Variants in KNG1 observed in about 807,000 individuals in gnomAD.
The protein encoded by KNG1 is kininogen 1.
Under a neutral mutation model 47.8 loss-of-function variants are expected in KNG1, and 23 were observed. The ratio of observed to expected loss-of-function variants is 0.48; its 90% CI spans 0.35 to 0.68. The LOEUF (loss-of-function observed/expected upper bound fraction) is 0.68. Among genes scored for constraint, KNG1 ranks in the 30% least tolerant of loss-of-function variants. The pLI, the probability that KNG1 is intolerant of heterozygous loss-of-function variation, is 0.01. For missense variants in KNG1, 762 were observed against 790.2 expected (o/e 0.96, Z 0.43); for synonymous variants, 277 against 277.0 (o/e 1.00, Z 0.00).
At chr3:186,725,288 C>A (rs2108623511) in intron 4 of KNG1, 28 bp downstream of exon 4, 1 of 1,600,360 alleles carries the variant, frequency 6.2e-7, no homozygotes, top group South Asian at 1.1e-5. Flanking sequence ...CTAAGTAGCA[C>A]AGTATTACTA....
In KNG1 at chr3:186,725,126, G is replaced by C. The variant is rs199837975; in HGVS notation, c.430G>C (p.Gly144Arg). Residue 144 changes from glycine (G) to arginine (R), a missense_variant, in exon 4 of 10, where the codon GGC becomes CGC. By Grantham distance (125) the Gly-to-Arg change is moderately radical. Coordinates refer to ENST00000644859, the MANE Select transcript of KNG1 (RefSeq NM_001102416.3). ...GGTGACAGCCCAGTACGACTGCCTC[G>C]GCTGTGTGCATCCTATATCAACGCA... ...PVVTAQYDCLGCVHPISTQSP... is the reference protein window; with the variant it reads ...PVVTAQYDCLRCVHPISTQSP... 6 of 1,614,034 alleles carry C rather than the reference G, an allele frequency of 3.7e-6. No homozygotes were observed. Among genetic ancestry groups the C allele is most frequent in the Non-Finnish European group, 5.1e-6 (6 of 1,180,008 alleles).
Position 186,725,543 on chromosome 3 carries a change from A to ATT in KNG1, c.564+301_564+302dup, listed in dbSNP as rs71167003. On this transcript the variant is annotated intron_variant, in intron 4 of 9. Coordinates refer to ENST00000644859, the MANE Select transcript of KNG1 (RefSeq NM_001102416.3). The stretch of plus-strand genomic sequence containing the variant: ...AAGGAAAAGTCATACCGGCCTTAGG[A>ATT]TTTTTTTTTTTTTTTTTTTGAGACA... Among the ~76,000 whole-genome samples the ATT allele has an allele frequency of 2.8e-4, 25 of 87,720 alleles. 3 individuals carry two copies. The highest frequency in any genetic ancestry group is 4.3e-4 in the Non-Finnish European group (20 of 46,180). The allele number at this position is 87,720 out of a possible 152,430, so 57.5% of individuals were successfully genotyped here. A position where few individuals can be genotyped will look rare whatever the true frequency, so the allele number is the denominator to read the frequency against.
chr3:186,720,805 T>TTTTTTTTG (rs1553790786), intron 2 of KNG1, among the ~76,000 whole-genome samples: 69 of 140,070 alleles, frequency 4.9e-4, no homozygotes, highest in South Asian at 9.9e-4. Flanking sequence ...TTTTTTTTTT[T>TTTTTTTTG]TTGAGCCAGA....
At chr3:186,729,673 C>T (rs1446927821) in intron 5 of KNG1, among the ~76,000 whole-genome samples, 1 of 92,956 alleles carries the variant, frequency 1.1e-5, no homozygotes, top group Non-Finnish European at 2.6e-5. Context: ...GTAATGTAGG[C>T]TTTTCTTTTT....
chr3:186,741,568 C>T lies in KNG1; in HGVS notation c.1172C>T (p.Ser391Leu). 1 of 1,610,360 alleles carries T rather than the reference C, an allele frequency of 6.2e-7. No homozygotes were observed. ...CCAGGTTTTTCACCTTTCCGATCAT[C>T]ACGAATAGGGGAAATAAAAGAAGAA... ...RPPGFSPFRSSRIGEIKEETT... is the reference protein window; with the variant it reads ...RPPGFSPFRSLRIGEIKEETT... Residue 391 changes from serine (S) to leucine (L), a missense_variant, in exon 10 of 10, where the codon TCA becomes TTA. Transcript: ENST00000644859.
intron 4 of KNG1, among the ~76,000 whole-genome samples, chr3:186,726,275 TTTTTTTTTTTTTTTTTTTTG>T (rs1369022306): frequency 5.2e-5 from 2 of 38,478 alleles, no homozygotes; most frequent in South Asian, 1.0e-3. Context: ...ACTTTTCTTC[TTTTTTTTTTTTTTTTTTTTG>T]TTTTTTGAGG....
At chr3:186,719,880 T>TGGGCTA (rs1466063758) in intron 1 of KNG1, among the ~76,000 whole-genome samples, 1 of 152,220 alleles carries the variant, frequency 6.6e-6, no homozygotes, top group African/African-American at 2.4e-5. Context: ...TTGACAAAAA[T>TGGGCTA]GGGCTAATAC....
At chr3:186,719,466 C>T (rs949032187) in intron 1 of KNG1, among the ~76,000 whole-genome samples, 30 of 152,078 alleles carry the variant, frequency 2.0e-4, no homozygotes, top group Admixed American at 4.6e-4. Flanking sequence ...TTGGGCCGGG[C>T]GCGGTGGCTC....
At position 186,743,006 on chromosome 3, in the gene KNG1, C is replaced by G; in HGVS notation, c.*675C>G. On this transcript the variant is annotated 3_prime_UTR_variant, in exon 10 of 10. Coordinates refer to ENST00000644859, the MANE Select transcript of KNG1 (RefSeq NM_001102416.3). ...CATAAATTAATTGACTTTCTATTCC[C>G]AAAATGGGCTAGTTATATCAAATAA... The G allele has an allele frequency of 1.1e-6, 1 of 937,998 alleles. No individual in the cohort carries two copies. The highest frequency in any genetic ancestry group is 1.3e-6 in the Non-Finnish European group (1 of 786,708). The allele number at this position is 937,998 out of a possible 1,614,324, so 58.1% of individuals were successfully genotyped here. A position where few individuals can be genotyped will look rare whatever the true frequency, so the allele number is the denominator to read the frequency against.
In KNG1 at chr3:186,732,821, A is replaced by T. The variant is rs191888353; in HGVS notation, c.930+147A>T. ...ATTAGATTTGGTAAATTAAGTGCCA[A>T]TCTCCCTGTATGCTTCATCCCGGAC... On this transcript the variant is annotated intron_variant, in intron 7 of 9. Transcript: ENST00000644859. 1.1e-4 allele frequency: 77 copies of T among 715,204 alleles called. No individual in the cohort carries two copies. The African/African-American group carries it at 1.3e-3, about 12-fold the overall frequency. 44.3% of individuals were successfully genotyped at this position (715,204 alleles called of 1,614,324 possible).
At chr3:186,733,141 G>C (rs1379301515) in intron 7 of KNG1, among the ~76,000 whole-genome samples, 3 of 152,138 alleles carry the variant, frequency 2.0e-5, no homozygotes, top group Admixed American at 6.6e-5. Flanking sequence ...AGCTACTCCA[G>C]AGGCTGAGGC....
chr3:186,731,439 A>G (rs181469494), intron 5 of KNG1, 106 bp from the exon 6 acceptor site: 26 of 712,232 alleles, frequency 3.7e-5, no homozygotes, highest in Non-Finnish European at 6.1e-5. Flanking sequence ...TTTCTATGCA[A>G]TGATTTGGAA....
chr3:186,732,815 G>A, intron 7 of KNG1, 141 bp downstream of exon 7: 1 of 738,366 alleles, frequency 1.4e-6, no homozygotes, highest in South Asian at 1.5e-5. Flanking sequence ...GGTAAATTAA[G>A]TGCCAATCTC....
In KNG1 at chr3:186,727,246, G is replaced by A. The variant is rs1460917494; in HGVS notation, c.574G>A (p.Gly192Arg). Residue 192 changes from glycine (G) to arginine (R), a missense_variant, in exon 5 of 10, where the codon GGA becomes AGA. Transcript: ENST00000644859. ...VKRAQRQVVA[G>R]LNFRITYSIV... ...TCTGAAATTGTTTCAGGTGGTGGCTGGATTGAACTTTCGAATTACCTACTC... is the reference window on the plus strand; with the variant it reads ...TCTGAAATTGTTTCAGGTGGTGGCTAGATTGAACTTTCGAATTACCTACTC... 6.2e-7 allele frequency: 1 copy of A among 1,610,168 alleles called. No homozygotes were observed.
chr3:186,719,811 C>G (rs1209036968), intron 1 of KNG1, among the ~76,000 whole-genome samples: 1 of 151,774 alleles, frequency 6.6e-6, no homozygotes, highest in Non-Finnish European at 1.5e-5. Context: ...AACATTTTAA[C>G]AGCTTGCTGT....
intron 1 of KNG1, among the ~76,000 whole-genome samples, chr3:186,719,865 C>T (rs1248269451): frequency 6.6e-6 from 1 of 152,112 alleles, no homozygotes; most frequent in African/African-American, 2.4e-5. Context: ...ATATATAAAC[C>T]AGTTTTGACA....
At chr3:186,720,074 T>G (rs1179708194) in intron 1 of KNG1, 31 bp from the exon 2 acceptor site, 1 of 1,448,754 alleles carries the variant, frequency 6.9e-7, no homozygotes, top group African/African-American at 1.4e-5. Context: ...GTCAGTTGGA[T>G]GAACCCTAAG....
At chr3:186,737,277 CT>C (rs1289185980) in intron 7 of KNG1, among the ~76,000 whole-genome samples, 28 of 152,208 alleles carry the variant, frequency 1.8e-4, no homozygotes, top group African/African-American at 6.3e-4. Context: ...ACCGTTTTAA[CT>C]TCTCTGAAAT....
Position 186,743,745 on chromosome 3 carries a change from AGGCAGG to A in KNG1, c.*1420_*1425del, listed in dbSNP as rs1216770529. 6.2e-7 allele frequency: 1 copy of A among 1,614,172 alleles called. No individual in the cohort carries two copies. Among genetic ancestry groups the A allele is most frequent in the South Asian group, 1.1e-5 (1 of 91,080 alleles). On this transcript the variant is annotated 3_prime_UTR_variant, in exon 10 of 10. Transcript: ENST00000644859. ...TGCGAGTACAAGGGTCGACCCCCAA[AGGCAGG>A]GGCAGAGCCAGCATCTGAGAGGGAG...
Sources: gnomAD v4.1 joint callset for allele counts (sites outside exome capture counted in the v4.1 genomes callset) on GRCh38, gnomAD v4.1.1 for gene constraint, MANE v1.5 for transcripts, NCBI Gene and HGNC (gene_info 2026-07-23, HGNC 2026-07-21) for gene names.